The following MLLT3 variants were observed in gnomAD, a reference collection of about 807,000 sequenced individuals.
MLLT3 encodes the protein MLLT3 super elongation complex subunit.
MLLT3 carries 4 observed loss-of-function variants against 53.2 expected under a neutral mutation model. The observed-to-expected ratio is 0.08, with a 90% CI of 0.04 to 0.17. MLLT3 has a LOEUF of 0.17. MLLT3 is among the 10% of genes least tolerant of loss of function. The probability of loss-of-function intolerance (pLI) is 1.00; values close to 1 mark genes in which losing one functional copy is unlikely to be tolerated. For missense variants in MLLT3, 569 were observed against 684.0 expected (o/e 0.83, Z 1.87); for synonymous variants, 283 against 230.6 (o/e 1.23, Z -2.06).
intron 2 of MLLT3, among the ~76,000 whole-genome samples, chr9:20,598,256 T>C (rs955750114): frequency 2.0e-5 from 3 of 152,264 alleles, no homozygotes; most frequent in African/African-American, 7.2e-5. Context: ...AACATTACTG[T>C]GCTCATCTTC....
chr9:20,569,033 C>T (rs1043646961), intron 2 of MLLT3, among the ~76,000 whole-genome samples: 1 of 152,092 alleles, frequency 6.6e-6, no homozygotes, highest in African/African-American at 2.4e-5. Context: ...CAAAGGAAAA[C>T]TATCCAGAGC....
chr9:20,596,703 A>T (rs1485850318), intron 2 of MLLT3, among the ~76,000 whole-genome samples: 1 of 152,210 alleles, frequency 6.6e-6, no homozygotes, highest in African/African-American at 2.4e-5. Context: ...TCAAAAAATA[A>T]ATAAATAAAA....
At chr9:20,619,109 C>G (rs1163492442) in intron 2 of MLLT3, among the ~76,000 whole-genome samples, 1 of 152,152 alleles carries the variant, frequency 6.6e-6, no homozygotes, top group African/African-American at 2.4e-5. Context: ...TCAACCTCAT[C>G]AGCGATAGAA....
chr9:20,426,532 G>A (rs1823142427), intron 4 of MLLT3, among the ~76,000 whole-genome samples: 1 of 152,078 alleles, frequency 6.6e-6, no homozygotes, highest in Non-Finnish European at 1.5e-5. Flanking sequence ...AGCCCAAAGA[G>A]ATGCAACTGA....
At chr9:20,612,621 C>A (rs1431194079) in intron 2 of MLLT3, among the ~76,000 whole-genome samples, 3 of 151,568 alleles carry the variant, frequency 2.0e-5, no homozygotes, top group Admixed American at 2.0e-4. Context: ...TGACAAGCAA[C>A]CCAATCTTTT....
chr9:20,348,331 AATTT>A (rs1224408522), intron 10 of MLLT3, among the ~76,000 whole-genome samples: 4 of 152,080 alleles, frequency 2.6e-5, no homozygotes, highest in African/African-American at 9.7e-5. Flanking sequence ...TGCTATTTAC[AATTT>A]ATTTGTCAGA....
intron 2 of MLLT3, among the ~76,000 whole-genome samples, chr9:20,602,987 G>C (rs1175426148): frequency 6.6e-6 from 1 of 152,004 alleles, no homozygotes; most frequent in Non-Finnish European, 1.5e-5. Flanking sequence ...TGAATTAAAA[G>C]TAGATATGAT....
chr9:20,556,125 C>T (rs1052840671), intron 2 of MLLT3, among the ~76,000 whole-genome samples: 28 of 152,018 alleles, frequency 1.8e-4, no homozygotes, highest in African/African-American at 6.5e-4. Flanking sequence ...GAATAAAACA[C>T]CTGTATATAT....
chr9:20,546,440 G>C (rs1274444476), intron 2 of MLLT3, among the ~76,000 whole-genome samples: 1 of 152,000 alleles, frequency 6.6e-6, no homozygotes, highest in African/African-American at 2.4e-5. Context: ...CTACTCAGGA[G>C]ACCAAGGCAG....
At chr9:20,402,800 C>T (rs546257756) in intron 5 of MLLT3, among the ~76,000 whole-genome samples, 1 of 152,108 alleles carries the variant, frequency 6.6e-6, no homozygotes, top group Non-Finnish European at 1.5e-5. Flanking sequence ...GATTTGCACC[C>T]TACCCTTTTT....
intron 5 of MLLT3, among the ~76,000 whole-genome samples, chr9:20,394,945 G>A (rs1240679876): frequency 2.0e-5 from 3 of 152,018 alleles, no homozygotes; most frequent in Non-Finnish European, 4.4e-5. Flanking sequence ...AGAGGTTTCC[G>A]TCCAAGGTGA....
chr9:20,562,823 T>C (rs1450086878), intron 2 of MLLT3, among the ~76,000 whole-genome samples: 1 of 152,200 alleles, frequency 6.6e-6, no homozygotes, highest in African/African-American at 2.4e-5. Flanking sequence ...TAATACTTTG[T>C]GTAGTATAAC....
intron 2 of MLLT3, among the ~76,000 whole-genome samples, chr9:20,522,688 T>C (rs1374764602): frequency 1.3e-5 from 2 of 151,802 alleles, no homozygotes; most frequent in African/African-American, 4.8e-5. Context: ...GTTTTTTTTC[T>C]AAATTGCAAG....
intron 2 of MLLT3, among the ~76,000 whole-genome samples, chr9:20,606,912 C>T (rs1820585039): frequency 1.3e-5 from 2 of 151,918 alleles, no homozygotes; most frequent in African/African-American, 4.8e-5. Context: ...TTAAGCACAC[C>T]AAAGCAAAAA....
At chr9:20,612,703 T>C (rs1344038574) in intron 2 of MLLT3, among the ~76,000 whole-genome samples, 3 of 151,802 alleles carry the variant, frequency 2.0e-5, no homozygotes, top group Non-Finnish European at 2.9e-5. Flanking sequence ...ATATATAAAA[T>C]GCTTAATCCC....
chr9:20,532,893 T>C, intron 2 of MLLT3: 1 of 257,600 alleles, frequency 3.9e-6, no homozygotes, highest in South Asian at 5.1e-5. Context: ...GAAGCAGAGC[T>C]TGTTGGCCTG....
chr9:20,560,472 G>A (rs555946874), intron 2 of MLLT3, among the ~76,000 whole-genome samples: 2 of 152,244 alleles, frequency 1.3e-5, no homozygotes, highest in Admixed American at 1.3e-4. Context: ...ATGAGTTGGG[G>A]AAAAGAGCAA....
chr9:20,360,597 T>G, intron 8 of MLLT3, 145 bp downstream of exon 8: 1 of 663,908 alleles, frequency 1.5e-6, no homozygotes. Flanking sequence ...TATGTGTTTA[T>G]TCCACAGGCT....
intron 2 of MLLT3, among the ~76,000 whole-genome samples, chr9:20,564,371 T>C (rs1309847863): frequency 6.7e-6 from 1 of 149,692 alleles, no homozygotes; most frequent in Non-Finnish European, 1.5e-5. Flanking sequence ...ACTCCCTTTA[T>C]TTGATCATGG....
Sources: gnomAD v4.1 joint callset for allele counts (sites outside exome capture counted in the v4.1 genomes callset) on GRCh38, gnomAD v4.1.1 for gene constraint, MANE v1.5 for transcripts, NCBI Gene and HGNC (gene_info 2026-07-23, HGNC 2026-07-21) for gene names.